The following IL10RB variants were observed in gnomAD, a reference collection of about 807,000 sequenced individuals.
IL10RB encodes interleukin 10 receptor subunit beta.
A neutral mutation model predicts 38.7 loss-of-function variants in IL10RB; 30 were observed. That is an observed-to-expected ratio of 0.78 (90% confidence interval 0.58 to 1.05). IL10RB has a LOEUF of 1.05. Ranked by LOEUF, IL10RB falls within the 50% of genes least tolerant of loss-of-function variation. The probability of loss-of-function intolerance (pLI) is 0.00; values close to 1 mark genes in which losing one functional copy is unlikely to be tolerated. For synonymous variants in IL10RB, 142 were observed against 145.9 expected (o/e 0.97, Z 0.19); for missense variants, 328 against 397.1 (o/e 0.83, Z 1.48).
chr21:33,267,719 T>C (rs909968954), intron 1 of IL10RB, among the ~76,000 whole-genome samples: 35 of 152,138 alleles, frequency 2.3e-4, no homozygotes, highest in African/African-American at 8.2e-4. Context: ...TTTCGCCATG[T>C]TGGCCAGGCT....
chr21:33,280,489 C>T (rs113990419), intron 4 of IL10RB, among the ~76,000 whole-genome samples: 126 of 152,186 alleles, frequency 8.3e-4, no homozygotes, highest in African/African-American at 2.9e-3. Context: ...TAACCTACTT[C>T]GTAAGATTGT....
At chr21:33,306,438 G>C (rs1419214298) in intron 1 of IL10RB, among the ~76,000 whole-genome samples, 1 of 152,166 alleles carries the variant, frequency 6.6e-6, no homozygotes, top group Non-Finnish European at 1.5e-5. Flanking sequence ...TTTTTAGTTT[G>C]AAAGAGTTTA....
Position 33,288,110 on chromosome 21 carries a change from T to G in IL10RB, c.653T>G (p.Val218Gly). The G allele has an allele frequency of 6.2e-7, 1 of 1,613,976 alleles. No homozygotes were observed. Among genetic ancestry groups the G allele is most frequent in the Non-Finnish European group, 8.5e-7 (1 of 1,179,954 alleles). The change falls in exon 6 of 7, where the codon GTC (valine) becomes GGC (glycine). Residue 218 changes from valine to glycine, a missense_variant. Physicochemically the swap from Val to Gly is moderately radical, Grantham distance 109. Transcript: ENST00000290200. ...TGCCCATTACCCCTGGCAGAAACGG[T>G]CCCCTCCTGGATGGTGGCCGTCATC... is the stretch of plus-strand genomic sequence containing the variant. ...VCEQTTHDET[V>G]PSWMVAVILM...
chr21:33,288,262 G>A lies in IL10RB; in HGVS notation c.804+1G>A. 1.2e-6 allele frequency: 2 copies of A among 1,613,462 alleles called. No homozygotes were observed. Among genetic ancestry groups the A allele is most frequent in the Non-Finnish European group, 1.7e-6 (2 of 1,179,440 alleles). The stretch of plus-strand genomic sequence containing the variant: ...TTCTCTTCCACAGCACCTGAAAGAG[G>A]TAGGTAGGATGGAGTGAGATGTGGA... On this transcript the variant is annotated splice_donor_variant, in intron 6 of 6. Transcript: ENST00000290200. LOFTEE classifies it high-confidence loss of function.
chr21:33,291,011 C>A (rs1387123277), intron 6 of IL10RB, among the ~76,000 whole-genome samples: 2 of 152,202 alleles, frequency 1.3e-5, no homozygotes, highest in Non-Finnish European at 2.9e-5. Context: ...TCTACCCTAA[C>A]TTCTGAGGGT....
At chr21:33,283,840 T>C (rs1989323918) in intron 5 of IL10RB, among the ~76,000 whole-genome samples, 1 of 152,240 alleles carries the variant, frequency 6.6e-6, no homozygotes, top group South Asian at 2.1e-4. Context: ...TGCATATTTA[T>C]GTGCAGACAC....
At position 33,295,283 on chromosome 21, in the gene IL10RB, G is replaced by A. The variant is rs1271821988; in HGVS notation, c.805-901G>A. 4.7e-5 allele frequency among the ~76,000 whole-genome samples: 7 copies of A among 149,412 alleles called. No individual in the cohort carries two copies. In the East Asian group the frequency reaches 5.9e-4, roughly 13 times the overall value. ...TGAGGCAGGGGAGTGGCGTGAACCC[G>A]AGAGGTGGAGGTTCCAGTGAGCTGA... On this transcript the variant is annotated intron_variant, in intron 6 of 6. Coordinates refer to ENST00000290200, the MANE Select transcript of IL10RB (RefSeq NM_000628.5).
chr21:33,267,484 T>G (rs905206121), intron 1 of IL10RB, among the ~76,000 whole-genome samples: 1 of 144,892 alleles, frequency 6.9e-6, no homozygotes, highest in East Asian at 2.3e-4. Flanking sequence ...CTTCTTCCGT[T>G]TTTTTTTTTG....
downstream of IL10RB, among the ~76,000 whole-genome samples, chr21:33,299,141 A>G (rs1402148378): frequency 2.0e-5 from 3 of 152,168 alleles, no homozygotes; most frequent in East Asian, 5.8e-4. Flanking sequence ...CCCTCTGCAC[A>G]AGGAAGCTCT....
intron 6 of IL10RB, among the ~76,000 whole-genome samples, chr21:33,290,310 T>C (rs888302767): frequency 2.0e-5 from 3 of 151,400 alleles, no homozygotes; most frequent in Admixed American, 2.0e-4. Flanking sequence ...ATTTTAAAAT[T>C]TATATATATA....
chr21:33,298,707 T>A (rs891548593), downstream of IL10RB, among the ~76,000 whole-genome samples: 1 of 152,170 alleles, frequency 6.6e-6, no homozygotes, highest in African/African-American at 2.4e-5. Flanking sequence ...GAAGTTATTA[T>A]CCAGGGCACA....
intron 1 of IL10RB, 55 bp from the exon 2 acceptor site, chr21:33,268,339 A>G (rs1254859025): frequency 3.1e-6 from 5 of 1,612,524 alleles, no homozygotes; most frequent in East Asian, 2.2e-5. Context: ...GGGCTTTTTC[A>G]TGGGCATCTG....
At chr21:33,300,489 A>G (rs1179881598), downstream of IL10RB, among the ~76,000 whole-genome samples, 2 of 152,142 alleles carry the variant, frequency 1.3e-5, no homozygotes, top group East Asian at 1.9e-4. Context: ...ATACATGACA[A>G]TTATACATGC....
chr21:33,279,796 T>G lies in IL10RB; in HGVS notation c.376T>G (p.Ser126Ala). 6.2e-7 allele frequency: 1 copy of G among 1,614,018 alleles called. No homozygotes were observed. Among genetic ancestry groups the G allele is most frequent in the African/African-American group, 1.3e-5 (1 of 75,066 alleles). The change falls in exon 4 of 7, where the codon TCT becomes GCT. Residue 126 changes from serine to alanine, a missense_variant. Coordinates refer to ENST00000290200, the MANE Select transcript of IL10RB (RefSeq NM_000628.5). ...PGMQVEVLAD[S>A]LHMRFLAPKI... ...AATGCAAGTAGAAGTACTTGCTGAT[T>G]CTTTACATATGCGTTTCTTAGCCCC...
At chr21:33,287,849 GTGGA>G (rs1989403900) in intron 5 of IL10RB, among the ~76,000 whole-genome samples, 1 of 152,214 alleles carries the variant, frequency 6.6e-6, no homozygotes. Flanking sequence ...AGTAGGTACA[GTGGA>G]TCAGAATTCT....
intron 1 of IL10RB, 168 bp from the exon 2 acceptor site, chr21:33,268,226 A>G (rs1989009099): frequency 3.9e-6 from 6 of 1,525,870 alleles, no homozygotes; most frequent in Non-Finnish European, 5.3e-6. Flanking sequence ...CGGCTGTTCA[A>G]AGAAAATCTA....
intron 2 of IL10RB, among the ~76,000 whole-genome samples, chr21:33,274,958 G>A (rs1989142699): frequency 1.3e-5 from 2 of 152,104 alleles, no homozygotes; most frequent in South Asian, 2.1e-4. Context: ...ATAGAAGGTT[G>A]TTTCATCTAC....
chr21:33,267,034 C>T (rs1988966789), intron 1 of IL10RB, among the ~76,000 whole-genome samples: 1 of 152,142 alleles, frequency 6.6e-6, no homozygotes, highest in African/African-American at 2.4e-5. Flanking sequence ...CCCGAGCACC[C>T]TGAAATCTGG....
chr21:33,287,251 A>C (rs1989391818), intron 5 of IL10RB, among the ~76,000 whole-genome samples: 1 of 152,238 alleles, frequency 6.6e-6, no homozygotes. Context: ...TTCCTTAGGC[A>C]GCCTTGGGTT....
Sources: allele counts gnomAD v4.1 joint callset (sites outside exome capture counted in the v4.1 genomes callset), GRCh38; gene constraint gnomAD v4.1.1; transcripts MANE v1.5; gene names NCBI Gene and HGNC (gene_info 2026-07-23, HGNC 2026-07-21).